DCAF8L2: variants seen among roughly 807,000 people sequenced by gnomAD.
The protein encoded by DCAF8L2 is DDB1- and CUL4-associated factor 8-like protein 2.
For missense variants in DCAF8L2, 430 were observed against 490.7 expected, an observed-to-expected ratio of 0.88 and a Z score of 1.17; for synonymous variants, 200 against 190.9, an observed-to-expected ratio of 1.05 and a Z score of -0.39.
chrX:27,658,711 T>A (rs1178802677), intron 2 of DCAF8L2, among the ~76,000 whole-genome samples: 1 of 111,876 alleles, frequency 8.9e-6, no homozygotes, highest in Non-Finnish European at 1.9e-5. Context: ...AATGCAGTAT[T>A]ATGAGCTTTT....
the DCAF8L2 span, among the ~76,000 whole-genome samples, chrX:27,556,263 G>T: frequency 9.0e-6 from 1 of 110,640 alleles, no homozygotes; most frequent in African/African-American, 3.3e-5. Context: ...CAGTTTCTCT[G>T]GGCCCCAGCA....
chrX:27,662,976 T>C (rs1929608239), intron 2 of DCAF8L2, among the ~76,000 whole-genome samples: 1 of 111,918 alleles, frequency 8.9e-6, no homozygotes, highest in Non-Finnish European at 1.9e-5. Flanking sequence ...ATATGAGTTG[T>C]GGGTAGAGAT....
rs748294767 is a variant in DCAF8L2 at position 27,669,517 on chromosome X, G to A, written c.-219-8319G>A. On this transcript the variant is annotated intron_variant, in intron 2 of 4. Coordinates refer to ENST00000451261, the MANE Select transcript of DCAF8L2 (RefSeq NM_001353450.2). ...ATACTTTAAGTTCTAGGGTACATGT[G>A]CACAATGTGCAGGTTAGTTACATAT... Among the ~76,000 whole-genome samples, 21 of 108,735 alleles carry A rather than the reference G, an allele frequency of 1.9e-4. No homozygotes were observed. The South Asian group carries it at 7.6e-3, about 39-fold the overall frequency. The allele number at this position is 108,735 out of a possible 115,157, so 94.4% of individuals were successfully genotyped here.
At chrX:27,617,621 T>C (rs1927541164) in intron 1 of DCAF8L2, among the ~76,000 whole-genome samples, 1 of 111,362 alleles carries the variant, frequency 9.0e-6, no homozygotes, top group African/African-American at 3.3e-5. Context: ...ATTATTATTA[T>C]CCCTTTTTAT....
chrX:27,634,769 A>G (rs111581477), intron 2 of DCAF8L2, among the ~76,000 whole-genome samples: 2,417 of 111,148 alleles, frequency 0.022, 16 homozygotes, highest in Middle Eastern at 0.037. Flanking sequence ...TTATTTCAAA[A>G]TATTGCATAA....
chrX:27,696,592 C>G (rs1287689514), intron 3 of DCAF8L2, among the ~76,000 whole-genome samples: 1 of 112,158 alleles, frequency 8.9e-6, no homozygotes, highest in Admixed American at 9.5e-5. Context: ...AGTCTGTATA[C>G]AGATACTCCT....
chrX:27,646,652 C>G (rs1045381449), intron 2 of DCAF8L2, among the ~76,000 whole-genome samples: 6 of 111,099 alleles, frequency 5.4e-5, no homozygotes, highest in African/African-American at 2.0e-4. Context: ...TTTTTGCAAT[C>G]TATCCATCTG....
the DCAF8L2 span, among the ~76,000 whole-genome samples, chrX:27,480,180 A>G: frequency 1.8e-5 from 2 of 112,563 alleles, no homozygotes; most frequent in Admixed American, 9.5e-5. Context: ...ATTGAGGACC[A>G]TGCAAGACAT....
chrX:27,619,004 A>AATCTATCATCTATCTATCT (rs373882054), intron 1 of DCAF8L2, among the ~76,000 whole-genome samples: 34 of 101,681 alleles, frequency 3.3e-4, no homozygotes, highest in Non-Finnish European at 5.2e-4. Flanking sequence ...ATCTATATCT[A>AATCTATCATCTATCTATCT]ATCTATCTAT....
At position 27,747,742 on chromosome X, in the gene DCAF8L2, T is replaced by G; in HGVS notation, c.847T>G (p.Cys283Gly). Residue 283 changes from cysteine (C) to glycine (G), a missense_variant, in exon 5 of 5, where the codon TGT becomes GGT. Cys to Gly is a radical substitution (Grantham distance 159). Coordinates refer to ENST00000451261, the MANE Select transcript of DCAF8L2 (RefSeq NM_001353450.2). ...CTTCCAGGCCAAGTTCCTTCCTAAC[T>G]GTGGTGATTCCACTCTGGCCATGTG... Reference protein sequence around the residue: ...NVFQAKFLPNCGDSTLAMCAR... With the variant: ...NVFQAKFLPNGGDSTLAMCAR... The G allele has an allele frequency of 8.3e-7, 1 of 1,211,329 alleles. No individual in the cohort carries two copies. Among genetic ancestry groups the G allele is most frequent in the Admixed American group, 2.2e-5 (1 of 46,040 alleles).
At chrX:27,684,692 G>A (rs186334123) in intron 3 of DCAF8L2, among the ~76,000 whole-genome samples, 74 of 111,489 alleles carry the variant, frequency 6.6e-4, no homozygotes, top group African/African-American at 2.1e-3. Context: ...ATATGACTCC[G>A]CTTAATATAA....
Position 27,742,218 on chromosome X carries a change from G to A in DCAF8L2, c.-58-4620G>A, listed in dbSNP as rs900272652. ...AGGCACACATTGTGAAGCATAATCCGTCAAAATGCATATGCCATAGTAGTT... is the reference window on the plus strand; with the variant it reads ...AGGCACACATTGTGAAGCATAATCCATCAAAATGCATATGCCATAGTAGTT... On this transcript the variant is annotated intron_variant, in intron 4 of 4. Transcript: ENST00000451261. 4.5e-5 allele frequency among the ~76,000 whole-genome samples: 5 copies of A among 111,260 alleles called. No homozygotes were observed. The East Asian group carries it at 8.5e-4, about 19-fold the overall frequency.
the DCAF8L2 span, among the ~76,000 whole-genome samples, chrX:27,537,848 C>A: frequency 0.097 from 10,771 of 111,558 alleles, 409 homozygotes; most frequent in Non-Finnish European, 0.12. Flanking sequence ...ATAAGCTTGG[C>A]ATATTTAGCA....
At chrX:27,688,572 A>C (rs186405663) in intron 3 of DCAF8L2, among the ~76,000 whole-genome samples, 1 of 105,117 alleles carries the variant, frequency 9.5e-6, no homozygotes, top group Non-Finnish European at 1.9e-5. Context: ...TTATTCAAAA[A>C]ATAGTAGCTT....
intron 2 of DCAF8L2, among the ~76,000 whole-genome samples, chrX:27,635,786 CGTGTGTGTGTGTGTGTGTGTGTGTGT>C (rs754830405): frequency 2.2e-5 from 2 of 90,417 alleles, no homozygotes; most frequent in South Asian, 5.8e-4. Flanking sequence ...TTTCCTTTTA[CGTGTGTGTGTGTGTGTGTGTGTGTGT>C]GTGTGTGTGT....
chrX:27,734,982 C>A (rs1453859171), intron 4 of DCAF8L2, among the ~76,000 whole-genome samples: 2 of 111,769 alleles, frequency 1.8e-5, no homozygotes, highest in Admixed American at 9.6e-5. Context: ...AGAGTTCAAA[C>A]TTTCATAAAC....
chrX:27,641,285 T>C (rs192506981), intron 2 of DCAF8L2, among the ~76,000 whole-genome samples: 132 of 111,454 alleles, frequency 1.2e-3, no homozygotes, highest in African/African-American at 4.1e-3. Context: ...CTTTCACTTC[T>C]TGTATATTGA....
At chrX:27,689,353 T>C (rs1930626786) in intron 3 of DCAF8L2, among the ~76,000 whole-genome samples, 1 of 112,163 alleles carries the variant, frequency 8.9e-6, no homozygotes, top group Non-Finnish European at 1.9e-5. Context: ...CAAGTGATTC[T>C]CCTGCCACAG....
chrX:27,488,536 TGTGTGTGTGTGTGTGTGTGTGTGTGTGC>T, the DCAF8L2 span, among the ~76,000 whole-genome samples: 3 of 74,130 alleles, frequency 4.0e-5, no homozygotes, highest in African/African-American at 7.5e-5. Flanking sequence ...TGTGTGTGTG[TGTGTGTGTGTGTGTGTGTGTGTGTGTGC>T]GCTTTCATAT....
Sources: allele counts gnomAD v4.1 joint callset (sites outside exome capture counted in the v4.1 genomes callset), GRCh38; gene constraint gnomAD v4.1.1; transcripts MANE v1.5; gene names NCBI Gene and HGNC (gene_info 2026-07-23, HGNC 2026-07-21).